Variants in ALK observed in about 807,000 individuals in gnomAD.
ALK encodes ALK tyrosine kinase receptor.
ALK carries 74 observed loss-of-function variants against 163.1 expected under a neutral mutation model. The observed-to-expected ratio is 0.45, with a 90% confidence interval of 0.38 to 0.55. ALK has a LOEUF of 0.55. Among genes scored for constraint, ALK ranks in the 20% least tolerant of loss-of-function variants. ALK has a pLI of 0.00. For synonymous variants in ALK, 960 were observed against 843.2 expected, an observed-to-expected ratio of 1.14 and a Z score of -2.40; for missense variants, 2,063 against 2,105.3, an observed-to-expected ratio of 0.98 and a Z score of 0.39.
At chr2:29,769,397 T>A (rs2148342999) in intron 1 of ALK, among the ~76,000 whole-genome samples, 1 of 152,314 alleles carries the variant, frequency 6.6e-6, no homozygotes, top group Non-Finnish European at 1.5e-5. Flanking sequence ...AGCTCACGAT[T>A]ACAGCCATCA....
intron 1 of ALK, among the ~76,000 whole-genome samples, chr2:29,731,653 C>T (rs1158924599): frequency 1.3e-5 from 2 of 152,200 alleles, no homozygotes; most frequent in African/African-American, 4.8e-5. Flanking sequence ...ACTTACACAA[C>T]ATTAAACCTC....
chr2:29,574,192 T>C lies in ALK; in HGVS notation c.953-42076A>G, dbSNP rs556352127. 3.9e-5 allele frequency among the ~76,000 whole-genome samples: 6 copies of C among 152,308 alleles called. No homozygotes were observed. In the South Asian group the frequency reaches 1.2e-3, roughly 32 times the overall value. Reference sequence around the variant, plus strand: ...AGAGCATGGCTCTGGTGTCAGCAGATCTGTGTTTGGATCCCAGCTGTGCAA... The same window carrying C: ...AGAGCATGGCTCTGGTGTCAGCAGACCTGTGTTTGGATCCCAGCTGTGCAA... On this transcript the variant is annotated intron_variant, in intron 3 of 28. Transcript: ENST00000389048.
intron 28 of ALK, among the ~76,000 whole-genome samples, chr2:29,194,217 G>A (rs1668966338): frequency 1.3e-5 from 2 of 150,270 alleles, no homozygotes; most frequent in African/African-American, 2.5e-5. Context: ...TTAAAGATTA[G>A]TGGATTTAAA....
At chr2:29,805,238 G>T (rs1338102911) in intron 1 of ALK, among the ~76,000 whole-genome samples, 1 of 152,192 alleles carries the variant, frequency 6.6e-6, no homozygotes, top group African/African-American at 2.4e-5. Flanking sequence ...CACATTAAGG[G>T]CTACAGGATA....
intron 3 of ALK, among the ~76,000 whole-genome samples, chr2:29,571,099 CCTTACCA>C (rs1432205450): frequency 6.6e-6 from 1 of 152,044 alleles, no homozygotes; most frequent in African/African-American, 2.4e-5. Flanking sequence ...GGAGGGGGCA[CCTTACCA>C]TGTGTTCTCT....
chr2:29,514,978 T>C (rs1192739601), intron 4 of ALK, among the ~76,000 whole-genome samples: 1 of 152,174 alleles, frequency 6.6e-6, no homozygotes, highest in African/African-American at 2.4e-5. Flanking sequence ...ATTATGATCC[T>C]AAATATTCCT....
chr2:29,701,675 G>A (rs1678741342), intron 2 of ALK, among the ~76,000 whole-genome samples: 1 of 152,122 alleles, frequency 6.6e-6, no homozygotes, highest in Admixed American at 6.6e-5. Flanking sequence ...TTCTGTGAAG[G>A]CGTGTGGGAA....
At chr2:29,479,216 A>G (rs1671600289) in intron 4 of ALK, among the ~76,000 whole-genome samples, 1 of 151,982 alleles carries the variant, frequency 6.6e-6, no homozygotes, top group South Asian at 2.1e-4. Flanking sequence ...TGAAGCAGGC[A>G]GATCTACACT....
At chr2:29,239,267 C>T (rs918495276) in intron 13 of ALK, among the ~76,000 whole-genome samples, 5 of 152,168 alleles carry the variant, frequency 3.3e-5, no homozygotes, top group Non-Finnish European at 5.9e-5. Context: ...TTCTCGGTAG[C>T]CCCTCTTCCC....
chr2:29,554,519 T>C (rs1266469937), intron 3 of ALK, among the ~76,000 whole-genome samples: 1 of 152,210 alleles, frequency 6.6e-6, no homozygotes, highest in Admixed American at 6.5e-5. Flanking sequence ...TGGTCTTCAA[T>C]GCTTAAAAGT....
Position 29,397,930 on chromosome 2 carries a change from ATG to A in ALK, c.1155-14073_1155-14072del, listed in dbSNP as rs1669349731. ...TTCAGGCCTCTGCTGTATCAGCCAT[ATG>A]GGAGCTTTCCCGAACATAACAAACA... On this transcript the variant is annotated intron_variant, in intron 4 of 28. Transcript: ENST00000389048. 2.0e-5 allele frequency among the ~76,000 whole-genome samples: 3 copies of A among 152,328 alleles called. No individual in the cohort carries two copies. The South Asian group carries it at 6.2e-4, about 32-fold the overall frequency.
At chr2:29,528,117 T>C (rs1673008976) in intron 4 of ALK, among the ~76,000 whole-genome samples, 1 of 152,356 alleles carries the variant, frequency 6.6e-6, no homozygotes, top group East Asian at 1.9e-4. Context: ...GTAATCCAAA[T>C]GATTGGCAAC....
chr2:29,674,159 C>A lies in ALK; in HGVS notation c.952+20691G>T, dbSNP rs1312270608. ...ACTTCCTCTTTTCCTAATTGAATACCCTTTATTTCCTTCACCTGCCTAATT... is the reference window on the plus strand; with the variant it reads ...ACTTCCTCTTTTCCTAATTGAATACACTTTATTTCCTTCACCTGCCTAATT... On this transcript the variant is annotated intron_variant, in intron 3 of 28. Transcript: ENST00000389048. 1.4e-4 allele frequency among the ~76,000 whole-genome samples: 21 copies of A among 151,450 alleles called. No individual in the cohort carries two copies. In the South Asian group the frequency reaches 2.5e-3, roughly 18 times the overall value.
At chr2:29,272,636 C>T (rs1030707677) in intron 11 of ALK, among the ~76,000 whole-genome samples, 1 of 152,186 alleles carries the variant, frequency 6.6e-6, no homozygotes, top group Non-Finnish European at 1.5e-5. Context: ...AGTTGAAATG[C>T]CACCAACCAC....
chr2:29,519,834 T>C (rs1272910984), intron 4 of ALK, among the ~76,000 whole-genome samples: 3 of 152,186 alleles, frequency 2.0e-5, no homozygotes, highest in African/African-American at 7.2e-5. Flanking sequence ...TAGAATTTCA[T>C]GCAGTCACAG....
At chr2:29,334,588 C>CAGGA (rs897253391) in intron 5 of ALK, among the ~76,000 whole-genome samples, 1 of 152,342 alleles carries the variant, frequency 6.6e-6, no homozygotes. Flanking sequence ...GGTCCAGGAG[C>CAGGA]AGGAGCCAGT....
chr2:29,705,119 G>C (rs1242982337), intron 2 of ALK, among the ~76,000 whole-genome samples: 1 of 150,700 alleles, frequency 6.6e-6, no homozygotes, highest in African/African-American at 2.4e-5. Flanking sequence ...TCGGGAGGCT[G>C]AGGCAGGAGA....
chr2:29,719,131 G>A (rs1368330586), intron 1 of ALK, among the ~76,000 whole-genome samples: 1 of 152,180 alleles, frequency 6.6e-6, no homozygotes, highest in East Asian at 1.9e-4. Context: ...CTTATTAAAG[G>A]CCCTTGTGCC....
At chr2:29,339,495 G>A (rs1264641478) in intron 5 of ALK, among the ~76,000 whole-genome samples, 2 of 152,202 alleles carry the variant, frequency 1.3e-5, no homozygotes, top group African/African-American at 4.8e-5. Context: ...GACCCTGTGG[G>A]CCGTGGCAAG....
Sources: allele counts gnomAD v4.1 joint callset (sites outside exome capture counted in the v4.1 genomes callset), GRCh38; gene constraint gnomAD v4.1.1; transcripts MANE v1.5; gene names NCBI Gene and HGNC (gene_info 2026-07-23, HGNC 2026-07-21).